The following COP1 variants were observed in gnomAD, a reference collection of about 807,000 sequenced individuals.
COP1 encodes E3 ubiquitin-protein ligase COP1.
COP1 carries 24 observed loss-of-function variants against 101.3 expected under a neutral mutation model. That is an observed-to-expected ratio of 0.24 (90% CI 0.17 to 0.33). COP1 has a LOEUF of 0.33. COP1 is among the 10% of genes least tolerant of loss of function. The pLI, the probability that COP1 is intolerant of heterozygous loss-of-function variation, is 1.00. For missense variants in COP1, 663 were observed against 906.2 expected, an observed-to-expected ratio of 0.73 and a Z score of 3.45; for synonymous variants, 347 against 341.9, an observed-to-expected ratio of 1.01 and a Z score of -0.17.
chr1:175,948,051 T>C (rs188941628), intron 18 of COP1, among the ~76,000 whole-genome samples: 5 of 152,348 alleles, frequency 3.3e-5, no homozygotes, highest in South Asian at 4.1e-4. Flanking sequence ...AAAAGGACTA[T>C]CTTTCTTTTT....
chr1:175,988,188 C>A, intron 17 of COP1, 100 bp downstream of exon 17: 2 of 1,154,516 alleles, frequency 1.7e-6, no homozygotes, highest in South Asian at 1.6e-5. Context: ...TCTGAGTGCA[C>A]AGACCATTTC....
intron 8 of COP1, among the ~76,000 whole-genome samples, chr1:176,131,196 T>G (rs1174743005): frequency 6.6e-6 from 1 of 151,822 alleles, no homozygotes; most frequent in African/African-American, 2.4e-5. Context: ...ATGTACATGA[T>G]AGGCAGCTAC....
rs182268640 is a variant in COP1 at position 175,999,830 on chromosome 1, T to C, written c.1730-10351A>G. Among the ~76,000 whole-genome samples, 17 of 152,282 alleles carry C rather than the reference T, an allele frequency of 1.1e-4. 1 individual carries two copies. The highest frequency in any genetic ancestry group is 6.5e-4 in the Admixed American group (10 of 15,278). ...ACTGGGGTGAGATAATATCTCATTGTAGCCATGATTTGCATTTCTGATGAT... is the reference window on the plus strand; with the variant it reads ...ACTGGGGTGAGATAATATCTCATTGCAGCCATGATTTGCATTTCTGATGAT... On this transcript the variant is annotated intron_variant, in intron 15 of 19. Coordinates refer to ENST00000367669, the MANE Select transcript of COP1 (RefSeq NM_022457.7).
chr1:176,045,202 A>T (rs543716271), intron 12 of COP1, among the ~76,000 whole-genome samples: 34 of 152,252 alleles, frequency 2.2e-4, no homozygotes, highest in African/African-American at 7.9e-4. Flanking sequence ...TCTGCTAAAG[A>T]CCAAGCACTT....
intron 8 of COP1, among the ~76,000 whole-genome samples, chr1:176,123,360 T>C (rs12142461): frequency 0.068 from 10,316 of 152,248 alleles, 451 homozygotes; most frequent in Non-Finnish European, 0.087. Context: ...TTGTATACAG[T>C]TGTCCTTATA....
chr1:176,009,272 C>G (rs1191122094), intron 15 of COP1, among the ~76,000 whole-genome samples: 1 of 151,946 alleles, frequency 6.6e-6, no homozygotes, highest in African/African-American at 2.4e-5. Flanking sequence ...AGGTATTTTC[C>G]CATGGAGATT....
intron 9 of COP1, among the ~76,000 whole-genome samples, chr1:176,103,349 G>A (rs147972306): frequency 5.0e-4 from 76 of 152,252 alleles, no homozygotes; most frequent in African/African-American, 1.7e-3. Context: ...TCCAGGAAGC[G>A]GGTGAGGCCT....
At chr1:176,024,166 C>T (rs986427372) in intron 15 of COP1, among the ~76,000 whole-genome samples, 2 of 151,750 alleles carry the variant, frequency 1.3e-5, no homozygotes, top group African/African-American at 4.8e-5. Flanking sequence ...GGGTGAGGCA[C>T]GAGAATCACT....
chr1:175,998,495 A>G (rs902330160), intron 15 of COP1, among the ~76,000 whole-genome samples: 4 of 151,958 alleles, frequency 2.6e-5, no homozygotes, highest in Admixed American at 2.6e-4. Flanking sequence ...AAAAAAAGAA[A>G]AAAAAATAGA....
At chr1:176,098,772 CA>C (rs1198890852) in intron 9 of COP1, among the ~76,000 whole-genome samples, 1 of 152,252 alleles carries the variant, frequency 6.6e-6, no homozygotes, top group African/African-American at 2.4e-5. Flanking sequence ...TTCATAACAT[CA>C]AGTGTTTTAA....
chr1:175,966,408 T>C (rs570427215), intron 18 of COP1, among the ~76,000 whole-genome samples: 2 of 152,348 alleles, frequency 1.3e-5, no homozygotes, highest in East Asian at 1.9e-4. Context: ...CTTCACTTAA[T>C]CTGCATGGCA....
At chr1:176,039,700 C>G (rs927167914) in intron 14 of COP1, among the ~76,000 whole-genome samples, 1 of 152,066 alleles carries the variant, frequency 6.6e-6, no homozygotes, top group African/African-American at 2.4e-5. Context: ...AACAGCCTTA[C>G]AGTGTGGTAT....
At chr1:175,996,754 C>CAA (rs1348555414) in intron 15 of COP1, among the ~76,000 whole-genome samples, 1 of 151,942 alleles carries the variant, frequency 6.6e-6, no homozygotes. Flanking sequence ...AAAGAGGATA[C>CAA]AAACAAATGG....
At chr1:176,008,236 C>A (rs949879617) in intron 15 of COP1, among the ~76,000 whole-genome samples, 5 of 152,212 alleles carry the variant, frequency 3.3e-5, no homozygotes, top group African/African-American at 1.2e-4. Context: ...GATCTGCACC[C>A]ACTGTCTGGC....
intron 18 of COP1, among the ~76,000 whole-genome samples, chr1:175,962,718 C>A (rs1252276143): frequency 2.0e-5 from 3 of 152,174 alleles, no homozygotes; most frequent in Non-Finnish European, 2.9e-5. Flanking sequence ...AACTTTGCTT[C>A]CCACCAGTGT....
At chr1:176,050,538 T>C (rs749701740) in intron 11 of COP1, among the ~76,000 whole-genome samples, 2 of 152,222 alleles carry the variant, frequency 1.3e-5, no homozygotes, top group Admixed American at 6.5e-5. Flanking sequence ...ATTACCATGA[T>C]AGTGTGCCTC....
chr1:176,049,808 T>C (rs1157849733), intron 11 of COP1, among the ~76,000 whole-genome samples: 2 of 152,118 alleles, frequency 1.3e-5, no homozygotes, highest in Admixed American at 6.5e-5. Flanking sequence ...AGATGACCTC[T>C]TATATTAACA....
In COP1 at chr1:176,207,234, C is replaced by T. The variant is rs1478761828; in HGVS notation, c.-256G>A. On this transcript the variant is annotated 5_prime_UTR_variant, in exon 1 of 20. Coordinates refer to ENST00000367669, the MANE Select transcript of COP1 (RefSeq NM_022457.7). ...GAGGCCGCCGCCGCCACCGCGGTCCCTGTAGCAGCCAACCCCGGCGCGCCG... is the reference window on the plus strand; with the variant it reads ...GAGGCCGCCGCCGCCACCGCGGTCCTTGTAGCAGCCAACCCCGGCGCGCCG... The T allele has an allele frequency of 5.0e-6, 2 of 398,676 alleles. No homozygotes were observed. The highest frequency in any genetic ancestry group is 8.8e-6 in the Non-Finnish European group (2 of 226,544). The allele number at this position is 398,676 out of a possible 1,614,324, so 24.7% of individuals were successfully genotyped here. A position where few individuals can be genotyped will look rare whatever the true frequency, so the allele number is the denominator to read the frequency against.
intron 15 of COP1, among the ~76,000 whole-genome samples, chr1:175,994,313 A>C (rs1326667456): frequency 6.6e-6 from 1 of 152,242 alleles, no homozygotes; most frequent in East Asian, 1.9e-4. Flanking sequence ...AAGCCCATCG[A>C]GGCTAGGAAG....
Sources: allele counts gnomAD v4.1 joint callset (sites outside exome capture counted in the v4.1 genomes callset), GRCh38; gene constraint gnomAD v4.1.1; transcripts MANE v1.5; gene names NCBI Gene and HGNC (gene_info 2026-07-23, HGNC 2026-07-21).